DDX10: variants seen among roughly 807,000 people sequenced by gnomAD.
DDX10 encodes probable ATP-dependent RNA helicase DDX10.
Under a neutral mutation model 104.3 loss-of-function variants are expected in DDX10, and 74 were observed. The observed-to-expected ratio is 0.71, with a 90% CI of 0.59 to 0.86. The LOEUF is 0.86. Among genes scored for constraint, DDX10 ranks in the 40% least tolerant of loss-of-function variants. The pLI is 0.00. For synonymous variants in DDX10, 351 were observed against 353.4 expected, an observed-to-expected ratio of 0.99 and a Z score of 0.08; for missense variants, 952 against 1,040.0, an observed-to-expected ratio of 0.92 and a Z score of 1.16.
At chr11:108,771,467 C>T (rs553696008) in intron 13 of DDX10, among the ~76,000 whole-genome samples, 1 of 152,268 alleles carries the variant, frequency 6.6e-6, no homozygotes, top group South Asian at 2.1e-4. Flanking sequence ...GCGTCAGCCT[C>T]CCAAGTAGCT....
intron 10 of DDX10, among the ~76,000 whole-genome samples, chr11:108,709,417 T>C (rs2094281010): frequency 6.6e-6 from 1 of 152,234 alleles, no homozygotes; most frequent in African/African-American, 2.4e-5. Flanking sequence ...CATCCGGGCT[T>C]GGTGATTTCT....
chr11:108,907,135 A>G (rs1863606424), intron 16 of DDX10, among the ~76,000 whole-genome samples: 1 of 152,164 alleles, frequency 6.6e-6, no homozygotes, highest in African/African-American at 2.4e-5. Context: ...CATTATTTAT[A>G]TCACTTCCTC....
chr11:108,747,272 A>C (rs2134501593), intron 13 of DDX10, among the ~76,000 whole-genome samples: 1 of 152,262 alleles, frequency 6.6e-6, no homozygotes, highest in South Asian at 2.1e-4. Flanking sequence ...GTCAATATGT[A>C]AATTAAGGAT....
intron 17 of DDX10, chr11:108,918,292 C>CTTT: frequency 2.7e-5 from 9 of 328,202 alleles, no homozygotes; most frequent in East Asian, 9.2e-5. Context: ...TTTCTCTATT[C>CTTT]TTTTTTTTTT....
At chr11:108,713,520 G>A (rs1384621010) in intron 10 of DDX10, among the ~76,000 whole-genome samples, 1 of 151,940 alleles carries the variant, frequency 6.6e-6, no homozygotes, top group Admixed American at 6.6e-5. Flanking sequence ...TCTTTCTTAG[G>A]ATTTCCATCT....
At chr11:108,773,437 C>G (rs1184264685) in intron 13 of DDX10, among the ~76,000 whole-genome samples, 1 of 152,164 alleles carries the variant, frequency 6.6e-6, no homozygotes, top group Non-Finnish European at 1.5e-5. Context: ...TGCCATGGTT[C>G]TCTCTTGGAA....
At chr11:108,831,421 C>CAAAAAAAA (rs779264219) in intron 13 of DDX10, among the ~76,000 whole-genome samples, 5 of 69,820 alleles carry the variant, frequency 7.2e-5, no homozygotes, top group Non-Finnish European at 1.2e-4. Flanking sequence ...GAGACTGTCT[C>CAAAAAAAA]AAAAAAAAAA....
intron 13 of DDX10, among the ~76,000 whole-genome samples, chr11:108,812,979 T>TAAAAAA (rs60528070): frequency 2.1e-4 from 14 of 66,468 alleles, no homozygotes; most frequent in Admixed American, 1.1e-3. Flanking sequence ...GACTCCATCT[T>TAAAAAA]AAAAAAAAAA....
At chr11:108,790,131 T>C (rs1370053537) in intron 13 of DDX10, among the ~76,000 whole-genome samples, 2 of 152,178 alleles carry the variant, frequency 1.3e-5, no homozygotes, top group Admixed American at 6.5e-5. Flanking sequence ...ATCAGTTCTT[T>C]TAGCAAGTAA....
intron 13 of DDX10, among the ~76,000 whole-genome samples, chr11:108,771,946 A>G (rs769233907): frequency 6.6e-6 from 1 of 152,192 alleles, no homozygotes; most frequent in Non-Finnish European, 1.5e-5. Context: ...AGGTCTTAGC[A>G]ACATCAGGGC....
At chr11:108,757,951 A>C (rs2094346433) in intron 13 of DDX10, among the ~76,000 whole-genome samples, 1 of 151,954 alleles carries the variant, frequency 6.6e-6, no homozygotes, top group East Asian at 1.9e-4. Context: ...GGCAAACTTT[A>C]AACCAGAATT....
intron 1 of DDX10, among the ~76,000 whole-genome samples, chr11:108,665,846 A>G (rs946878137): frequency 1.3e-5 from 2 of 152,170 alleles, no homozygotes; most frequent in Admixed American, 6.5e-5. Context: ...GCTTTTAACC[A>G]TGAAGCCAGA....
chr11:108,781,125 T>C (rs1013155594), intron 13 of DDX10, among the ~76,000 whole-genome samples: 4 of 152,158 alleles, frequency 2.6e-5, no homozygotes, highest in African/African-American at 9.7e-5. Flanking sequence ...GTGCTCAGTG[T>C]TTAGCTCCCA....
intron 13 of DDX10, among the ~76,000 whole-genome samples, chr11:108,782,046 A>G (rs1341855432): frequency 1.3e-5 from 2 of 152,190 alleles, no homozygotes; most frequent in Non-Finnish European, 1.5e-5. Context: ...AATGCAGAAC[A>G]TGGTGTTCAT....
chr11:108,705,001 C>G (rs2094273873), intron 9 of DDX10, among the ~76,000 whole-genome samples: 1 of 152,176 alleles, frequency 6.6e-6, no homozygotes, highest in Admixed American at 6.5e-5. Flanking sequence ...AGTGCCACCT[C>G]TCAGTATGTC....
chr11:108,842,079 A>T (rs1862646546), intron 15 of DDX10, among the ~76,000 whole-genome samples: 1 of 152,212 alleles, frequency 6.6e-6, no homozygotes. Context: ...TAAATTTATT[A>T]TATTAAAATT....
chr11:108,764,191 C>T (rs114403079), intron 13 of DDX10, among the ~76,000 whole-genome samples: 1,528 of 152,144 alleles, frequency 0.01, 21 homozygotes, highest in African/African-American at 0.035. Context: ...TGCATGTAAT[C>T]GTTAAAACAT....
chr11:108,794,336 G>T (rs1442995039), intron 13 of DDX10, among the ~76,000 whole-genome samples: 1 of 151,878 alleles, frequency 6.6e-6, no homozygotes, highest in African/African-American at 2.4e-5. Flanking sequence ...TTTGAATAAG[G>T]ATACTTTTTT....
chr11:108,909,953 A>G (rs148348183), intron 16 of DDX10, among the ~76,000 whole-genome samples: 39 of 152,340 alleles, frequency 2.6e-4, no homozygotes, highest in African/African-American at 8.9e-4. Flanking sequence ...GGTGTCTTAC[A>G]TTATCACATG....
Sources: allele counts gnomAD v4.1 joint callset (sites outside exome capture counted in the v4.1 genomes callset), GRCh38; gene constraint gnomAD v4.1.1; transcripts MANE v1.5; gene names NCBI Gene and HGNC (gene_info 2026-07-23, HGNC 2026-07-21).